The following ADAT3 variants were observed in gnomAD, a reference collection of about 807,000 sequenced individuals.
ADAT3 encodes tRNA-specific adenosine-34 deaminase regulatory subunit ADAT3.
In ADAT3, 2 loss-of-function variants were observed where a neutral mutation model predicts 3.5. That is an observed-to-expected ratio of 0.57 (90% confidence interval 0.23 to 1.79). ADAT3 has a LOEUF of 1.79. Ranked by LOEUF, ADAT3 falls within the 40% of genes most tolerant of loss-of-function variation. The pLI is 0.18. For missense variants in ADAT3, 735 were observed against 571.4 expected (o/e 1.29, Z -2.92); for synonymous variants, 358 against 270.3 (o/e 1.32, Z -3.18).
intron 1 of ADAT3, chr19:1,906,117 T>C (rs1339228274): frequency 1.3e-5 from 2 of 152,190 alleles, no homozygotes; most frequent in Non-Finnish European, 2.9e-5. Context: ...CCCAGCACTT[T>C]GGGAGGCCAA....
In ADAT3 at chr19:1,913,034, C is replaced by T. The variant is rs765637931; in HGVS notation, c.987C>T (p.Pro329=). The T allele has an allele frequency of 6.2e-6, 10 of 1,604,178 alleles. No individual in the cohort carries two copies. Among genetic ancestry groups the T allele is most frequent in the Admixed American group, 3.3e-5 (2 of 59,924 alleles). Residue 329 remains proline, a synonymous_variant, in exon 2 of 2, where the codon CCC becomes CCT. Transcript: ENST00000329478. ...ILRVFYGAPS[P]DGALGTRFRI... ...GCGTCTTCTACGGTGCGCCCTCGCC[C>T]GACGGCGCCCTGGGCACCCGCTTCC...
rs1803079284 is a variant in ADAT3, at chr19:1,912,617, G to A, written c.570G>A (p.Gln190=). The change falls in exon 2 of 2, where the codon CAG becomes CAA. Residue 190 remains glutamine, a synonymous_variant. Transcript: ENST00000329478. ...LFSTQERAAM[Q]SHMERAVWAA... is the part of the protein sequence containing the mutation. ...CCACGCAGGAGCGCGCCGCCATGCA[G>A]AGCCACATGGAGCGGGCGGTGTGGG... The A allele has an allele frequency of 6.8e-7, 1 of 1,465,318 alleles. No individual in the cohort carries two copies. The highest frequency in any genetic ancestry group is 9.0e-7 in the Non-Finnish European group (1 of 1,115,786). 90.8% of individuals were successfully genotyped at this position (1,465,318 alleles called of 1,614,324 possible). A position where few individuals can be genotyped will look rare whatever the true frequency, so the allele number is the denominator to read the frequency against.
chr19:1,906,584 C>G (rs764915937), intron 1 of ADAT3: 1 of 152,072 alleles, frequency 6.6e-6, no homozygotes, highest in African/African-American at 2.4e-5. Flanking sequence ...GCCGTGGTGG[C>G]TCACGCCTGT....
In ADAT3 at chr19:1,912,809, C is replaced by T. The variant is rs758642361; in HGVS notation, c.762C>T (p.Arg254=). The change falls in exon 2 of 2, where the codon CGC becomes CGT. Residue 254 remains arginine, a synonymous_variant. Coordinates refer to ENST00000329478, the MANE Select transcript of ADAT3 (RefSeq NM_138422.4). ...ACCTCGTGGCGCGCGGCCAGGGCCG[C>T]GGCACCTACGACTTCAGACCCTTCC... The part of the protein sequence containing the change: ...CVDLVARGQG[R]GTYDFRPFPA... 4 of 1,581,628 alleles carry T rather than the reference C, an allele frequency of 2.5e-6. No individual in the cohort carries two copies. Among genetic ancestry groups the T allele is most frequent in the Admixed American group, 1.8e-5 (1 of 56,950 alleles).
intron 1 of ADAT3, among the ~76,000 whole-genome samples, chr19:1,907,793 G>A (rs1416226052): frequency 1.3e-5 from 2 of 152,160 alleles, no homozygotes; most frequent in African/African-American, 4.8e-5. Context: ...TGTGGTAGAG[G>A]GAGGGTCAGG....
At chr19:1,911,165 G>C (rs76060398) in intron 1 of ADAT3, among the ~76,000 whole-genome samples, 2 of 151,920 alleles carry the variant, frequency 1.3e-5, no homozygotes, top group East Asian at 3.9e-4. Context: ...GTGAGCCACC[G>C]TGCCCGGGTT....
At chr19:1,907,664 G>T (rs887868561) in intron 1 of ADAT3, among the ~76,000 whole-genome samples, 6 of 152,174 alleles carry the variant, frequency 3.9e-5, no homozygotes, top group African/African-American at 9.6e-5. Flanking sequence ...TGACTCACCT[G>T]CCTGGAGCTA....
Position 1,912,206 on chromosome 19 carries a change from A to G in ADAT3, c.159A>G (p.Ser53=), listed in dbSNP as rs1322329641. The G allele has an allele frequency of 1.3e-6, 2 of 1,590,270 alleles. No homozygotes were observed. Among genetic ancestry groups the G allele is most frequent in the East Asian group, 4.6e-5 (2 of 43,890 alleles). Residue 53 remains serine (S), a synonymous_variant, in exon 2 of 2, where the codon TCA becomes TCG. Coordinates refer to ENST00000329478, the MANE Select transcript of ADAT3 (RefSeq NM_138422.4). ...TCCCTGTCCTGTCCGAGAAGCAGTC[A>G]GGGGACGTGGAGCTGGTGCTGGCCT... ...QALPVLSEKQ[S]GDVELVLAYA...
intron 1 of ADAT3, among the ~76,000 whole-genome samples, chr19:1,911,619 A>G (rs887918069): frequency 6.6e-6 from 1 of 152,136 alleles, no homozygotes; most frequent in Non-Finnish European, 1.5e-5. Flanking sequence ...CATCTCTACT[A>G]AAAATACACA....
Position 1,908,510 on chromosome 19 carries a change from G to A in ADAT3, c.-159+3071G>A, listed in dbSNP as rs566505241. ...TGCGGGAGGAGCCGTCCATACCAGCGGGGATGTGTAGTCCAGGCTGGCAGT... is the reference window on the plus strand; with the variant it reads ...TGCGGGAGGAGCCGTCCATACCAGCAGGGATGTGTAGTCCAGGCTGGCAGT... On this transcript the variant is annotated intron_variant, in intron 1 of 1. Coordinates refer to ENST00000329478, the MANE Select transcript of ADAT3 (RefSeq NM_138422.4). The surrounding 1 kb of genome is among the most constrained non-coding windows in gnomAD (Gnocchi z 4.2). 3.7e-4 allele frequency: 173 copies of A among 471,126 alleles called. No individual in the cohort carries two copies. Among genetic ancestry groups the A allele is most frequent in the South Asian group, 9.3e-4 (60 of 64,568 alleles). 29.2% of individuals were successfully genotyped at this position (471,126 alleles called of 1,614,324 possible).
rs761557355 is a variant in ADAT3 at position 1,912,872 on chromosome 19, C to T, written c.825C>T (p.Ala275=). ...TCGCCCCGGCCGCTGCCCCCCAGGC[C>T]GTCCGCGCAGGCGCCGTGCGTAAAC... is the stretch of plus-strand genomic sequence containing the variant. ...CSFAPAAAPQ[A]VRAGAVRKLD... Residue 275 remains alanine, a synonymous_variant, in exon 2 of 2, where the codon GCC becomes GCT. Coordinates refer to ENST00000329478, the MANE Select transcript of ADAT3 (RefSeq NM_138422.4). The T allele has an allele frequency of 3.1e-6, 5 of 1,601,714 alleles. No homozygotes were observed. The highest frequency in any genetic ancestry group is 3.3e-4 in the Middle Eastern group (2 of 6,052).
rs1005241807 is a variant in ADAT3 at position 1,913,215 on chromosome 19, C to T, written c.*64C>T. ...CCGTGGGGCGCCCCTCCTGGACTTC[C>T]GGGCCTCGATTTCTTCCGCACAAGC... On this transcript the variant is annotated 3_prime_UTR_variant, in exon 2 of 2. Coordinates refer to ENST00000329478, the MANE Select transcript of ADAT3 (RefSeq NM_138422.4). 20 of 1,456,798 alleles carry T rather than the reference C, an allele frequency of 1.4e-5. No homozygotes were observed. Among genetic ancestry groups the T allele is most frequent in the Middle Eastern group, 4.9e-4 (2 of 4,100 alleles). 90.2% of individuals were successfully genotyped at this position (1,456,798 alleles called of 1,614,324 possible).
At chr19:1,905,593 C>T (rs1013390443) in intron 1 of ADAT3, 154 bp downstream of exon 1, 1 of 169,184 alleles carries the variant, frequency 5.9e-6, no homozygotes, top group African/African-American at 2.4e-5. Flanking sequence ...GCGTCTCGGG[C>T]GGGCCGGTGG....
chr19:1,911,758 G>C (rs2013460181), intron 1 of ADAT3, 132 bp from the exon 2 acceptor site: 1 of 302,916 alleles, frequency 3.3e-6, no homozygotes, highest in African/African-American at 2.2e-5. Context: ...ACTCCAGCCT[G>C]GGCGACAGCG....
chr19:1,907,006 T>G (rs2013159675), intron 1 of ADAT3: 1 of 151,592 alleles, frequency 6.6e-6, no homozygotes, highest in Non-Finnish European at 1.5e-5. Flanking sequence ...ACCAATATGG[T>G]GAAATCCCAC....
At chr19:1,907,764 C>T (rs759220455) in intron 1 of ADAT3, among the ~76,000 whole-genome samples, 3 of 152,088 alleles carry the variant, frequency 2.0e-5, no homozygotes, top group Non-Finnish European at 2.9e-5. Flanking sequence ...AGTGGTCGGT[C>T]GCCTGCCTTC....
Position 1,905,444 on chromosome 19 carries a change from G to A in ADAT3, c.-159+5G>A, listed in dbSNP as rs1451925717. 1.7e-5 allele frequency: 8 copies of A among 461,840 alleles called. No individual in the cohort carries two copies. Among genetic ancestry groups the A allele is most frequent in the Non-Finnish European group, 3.1e-5 (7 of 222,930 alleles). 28.6% of individuals were successfully genotyped at this position (461,840 alleles called of 1,614,324 possible). The stretch of plus-strand genomic sequence containing the variant: ...GCTCGCGCCCGGATCCCTCAGGTAA[G>A]CGCGCGGCCCCGAGGTCTCGGGTTC... On this transcript the variant is annotated splice_donor_5th_base_variant and intron_variant, in intron 1 of 1. Transcript: ENST00000329478.
At chr19:1,907,831 C>T (rs1250282923) in intron 1 of ADAT3, among the ~76,000 whole-genome samples, 3 of 152,134 alleles carry the variant, frequency 2.0e-5, no homozygotes, top group Non-Finnish European at 4.4e-5. Context: ...GGGGCAGTCG[C>T]TGTGGGAGTG....
Position 1,912,257 on chromosome 19 carries a change from C to G in ADAT3, c.210C>G (p.Arg70=). 1 of 1,597,094 alleles carries G rather than the reference C, an allele frequency of 6.3e-7. No homozygotes were observed. Among genetic ancestry groups the G allele is most frequent in the South Asian group, 1.1e-5 (1 of 88,820 alleles). The change falls in exon 2 of 2, where the codon CGC becomes CGG. Residue 70 remains arginine, a synonymous_variant. Transcript: ENST00000329478. ...ACGCCGCGCCCGTCCTGGACAAGCG[C>G]CAGACCTCACGCCTCCTGAAGGAGG... ...LAYAAPVLDK[R]QTSRLLKEVS...
Sources: allele counts gnomAD v4.1 joint callset (sites outside exome capture counted in the v4.1 genomes callset), GRCh38; gene constraint gnomAD v4.1.1; non-coding constraint Gnocchi (gnomAD v3.1); transcripts MANE v1.5; gene names NCBI Gene and HGNC (gene_info 2026-07-23, HGNC 2026-07-21).